Variants in CDK7 observed in about 807,000 individuals in gnomAD.
The protein encoded by CDK7 is cyclin-dependent kinase 7.
In CDK7, 25 loss-of-function variants were observed where a neutral mutation model predicts 49.1. That is an observed-to-expected ratio of 0.51 (90% CI 0.37 to 0.71). CDK7 has a LOEUF of 0.71. Ranked by LOEUF, CDK7 falls within the 30% of genes least tolerant of loss-of-function variation. The probability of loss-of-function intolerance (pLI) is 0.00; values close to 1 mark genes in which losing one functional copy is unlikely to be tolerated. For synonymous variants in CDK7, 107 were observed against 140.0 expected, an observed-to-expected ratio of 0.76 and a Z score of 1.67; for missense variants, 316 against 411.7, an observed-to-expected ratio of 0.77 and a Z score of 2.01.
At chr5:69,268,284 T>C (rs1751294344) in intron 8 of CDK7, among the ~76,000 whole-genome samples, 1 of 152,204 alleles carries the variant, frequency 6.6e-6, no homozygotes, top group South Asian at 2.1e-4. Flanking sequence ...TTTATGTGTA[T>C]CAGCACTGCT....
At chr5:69,254,132 TA>T (rs1178643045) in intron 3 of CDK7, among the ~76,000 whole-genome samples, 1 of 152,056 alleles carries the variant, frequency 6.6e-6, no homozygotes, top group Admixed American at 6.6e-5. Flanking sequence ...TAAAGCAATG[TA>T]AAAGAACAAC....
At chr5:69,273,734 T>C (rs1751810454) in intron 10 of CDK7, among the ~76,000 whole-genome samples, 1 of 152,220 alleles carries the variant, frequency 6.6e-6, no homozygotes, top group Non-Finnish European at 1.5e-5. Flanking sequence ...CAGGTCTTTA[T>C]GGAAACATAT....
At chr5:69,236,954 CTTTTTTTTTTTTT>C (rs4053029) in intron 2 of CDK7, among the ~76,000 whole-genome samples, 2 of 84,266 alleles carry the variant, frequency 2.4e-5, no homozygotes, top group African/African-American at 9.1e-5. Context: ...GCCTGGCCTT[CTTTTTTTTTTTTT>C]TTTTTTTTTT....
At chr5:69,276,030 TTTTTC>T (rs938139369) in intron 10 of CDK7, among the ~76,000 whole-genome samples, 8 of 152,016 alleles carry the variant, frequency 5.3e-5, no homozygotes, top group East Asian at 1.9e-4. Flanking sequence ...AGGGAGTCTT[TTTTTC>T]TTTTCTTTTT....
intron 2 of CDK7, among the ~76,000 whole-genome samples, chr5:69,246,318 G>T (rs1749752637): frequency 6.6e-6 from 1 of 152,112 alleles, no homozygotes; most frequent in Admixed American, 6.6e-5. Flanking sequence ...TGTATTTTTA[G>T]TAGAGATGGG....
At chr5:69,276,958 C>A in intron 11 of CDK7, 149 bp from the exon 12 acceptor site, 1 of 702,820 alleles carries the variant, frequency 1.4e-6, no homozygotes, top group Non-Finnish European at 2.4e-6. Flanking sequence ...CTGTAAACTA[C>A]ATGCTAAATG....
chr5:69,252,522 T>C (rs1447452541), intron 3 of CDK7, 71 bp downstream of exon 3: 2 of 621,134 alleles, frequency 3.2e-6, no homozygotes. Flanking sequence ...TTTTTTTTTT[T>C]TTAAAAAGAC....
At chr5:69,256,685 A>G (rs1314741305) in intron 5 of CDK7, among the ~76,000 whole-genome samples, 1 of 152,092 alleles carries the variant, frequency 6.6e-6, no homozygotes, top group Non-Finnish European at 1.5e-5. Flanking sequence ...GCTAGATCAC[A>G]AGATTATTGA....
intron 2 of CDK7, among the ~76,000 whole-genome samples, chr5:69,244,636 CAAAA>C (rs35194899): frequency 6.3e-5 from 6 of 94,862 alleles, no homozygotes; most frequent in African/African-American, 7.3e-5. Flanking sequence ...AACTCCGTCT[CAAAA>C]AAAAAAAAAA....
chr5:69,257,037 G>A (rs1360044500), intron 5 of CDK7, among the ~76,000 whole-genome samples: 1 of 152,112 alleles, frequency 6.6e-6, no homozygotes, highest in Admixed American at 6.6e-5. Context: ...CAACATAGAT[G>A]AATCTGAAAT....
chr5:69,262,017 T>C (rs192613187), intron 7 of CDK7, among the ~76,000 whole-genome samples, 188 bp from the exon 8 acceptor site: 1 of 152,252 alleles, frequency 6.6e-6, no homozygotes, highest in East Asian at 1.9e-4. Flanking sequence ...AAAAGACTGC[T>C]GTAGGAGAAA....
chr5:69,269,091 G>A (rs1751355226), intron 8 of CDK7, 116 bp from the exon 9 acceptor site: 1 of 628,102 alleles, frequency 1.6e-6, no homozygotes, highest in Admixed American at 2.9e-5. Context: ...AGTGAGCCAG[G>A]ATTGCATCAC....
Position 69,259,809 on chromosome 5 carries a change from G to T in CDK7, c.409-9G>T, listed in dbSNP as rs376866485. The T allele has an allele frequency of 3.8e-6, 6 of 1,589,422 alleles. No individual in the cohort carries two copies. Among genetic ancestry groups the T allele is most frequent in the Non-Finnish European group, 4.3e-6 (5 of 1,157,856 alleles). Reference sequence around the variant, plus strand: ...GCTTATTTGTTTGTTTAAAACTTCCGTCATATAGGATCTGAAACCAAACAA... The same window carrying T: ...GCTTATTTGTTTGTTTAAAACTTCCTTCATATAGGATCTGAAACCAAACAA... On this transcript the variant is annotated splice_polypyrimidine_tract_variant and intron_variant, in intron 6 of 11. Transcript: ENST00000256443.
intron 3 of CDK7, among the ~76,000 whole-genome samples, chr5:69,252,678 G>A (rs1351707313): frequency 6.6e-6 from 1 of 151,652 alleles, no homozygotes; most frequent in Non-Finnish European, 1.5e-5. Context: ...TGTGGTTAAT[G>A]TTTTATTTTT....
At chr5:69,274,376 T>C (rs1202543110) in intron 10 of CDK7, among the ~76,000 whole-genome samples, 1 of 152,198 alleles carries the variant, frequency 6.6e-6, no homozygotes, top group African/African-American at 2.4e-5. Flanking sequence ...GGCTCACACC[T>C]GTAATCCCAG....
intron 8 of CDK7, among the ~76,000 whole-genome samples, chr5:69,264,560 G>T (rs946240957): frequency 2.6e-5 from 4 of 152,110 alleles, no homozygotes; most frequent in African/African-American, 9.7e-5. Context: ...AAAATTAACA[G>T]ATTGATCCAG....
At chr5:69,276,974 C>T (rs1184738234) in intron 11 of CDK7, 133 bp from the exon 12 acceptor site, 6 of 755,588 alleles carry the variant, frequency 7.9e-6, no homozygotes, top group Non-Finnish European at 4.3e-6. Flanking sequence ...AAATGTTTAA[C>T]AAGTGCTACT....
Position 69,272,973 on chromosome 5 carries a change from G to A in CDK7, c.796G>A (p.Asp266Asn). The change falls in exon 10 of 12, where the codon GAC (aspartate) becomes AAC (asparagine). Residue 266 changes from aspartate (D) to asparagine (N), a missense_variant. By Grantham distance (23) the Asp-to-Asn change is conservative. Coordinates refer to ENST00000256443, the MANE Select transcript of CDK7 (RefSeq NM_001799.4). ...PLHHIFSAAG[D>N]DLLDLIQGLF... ...GCATCACATCTTCAGTGCAGCAGGA[G>A]ACGACTTACTAGATCTCATACAAGG... The A allele has an allele frequency of 6.2e-7, 1 of 1,601,498 alleles. No individual in the cohort carries two copies. Among genetic ancestry groups the A allele is most frequent in the South Asian group, 1.1e-5 (1 of 89,544 alleles).
intron 8 of CDK7, among the ~76,000 whole-genome samples, chr5:69,264,985 C>G (rs376977729): frequency 6.0e-5 from 9 of 148,804 alleles, no homozygotes; most frequent in African/African-American, 2.0e-4. Flanking sequence ...AAAAAAAGGC[C>G]AGGCACGGTG....
Sources: allele counts gnomAD v4.1 joint callset (sites outside exome capture counted in the v4.1 genomes callset), GRCh38; gene constraint gnomAD v4.1.1; transcripts MANE v1.5; gene names NCBI Gene and HGNC (gene_info 2026-07-23, HGNC 2026-07-21).